TIGD4: variants seen among roughly 807,000 people sequenced by gnomAD.
TIGD4 encodes the protein tigger transposable element derived 4.
Under a neutral mutation model 24.9 loss-of-function variants are expected in TIGD4, and 20 were observed. The observed-to-expected ratio is 0.80, with a 90% CI of 0.56 to 1.17. The LOEUF (loss-of-function observed/expected upper bound fraction) is 1.17, where lower values mean the gene tolerates loss of function less well. Ranked by LOEUF, TIGD4 falls within the 50% of genes most tolerant of loss-of-function variation. The pLI is 0.00. For synonymous variants in TIGD4, 193 were observed against 211.0 expected (o/e 0.91, Z 0.74); for missense variants, 566 against 591.0 (o/e 0.96, Z 0.44).
intron 1 of TIGD4, among the ~76,000 whole-genome samples, chr4:152,776,914 G>A (rs1203073329): frequency 6.6e-6 from 1 of 152,166 alleles, no homozygotes; most frequent in Non-Finnish European, 1.5e-5. Flanking sequence ...TAAATAATGG[G>A]TTCATGACAG....
chr4:152,774,614 T>C (rs578071591), intron 1 of TIGD4, among the ~76,000 whole-genome samples: 63 of 152,354 alleles, frequency 4.1e-4, no homozygotes, highest in African/African-American at 1.5e-3. Flanking sequence ...TCTATGTCAA[T>C]GGTTAAGCTA....
At chr4:152,774,491 T>C (rs1730228973) in intron 1 of TIGD4, among the ~76,000 whole-genome samples, 1 of 152,246 alleles carries the variant, frequency 6.6e-6, no homozygotes, top group Non-Finnish European at 1.5e-5. Flanking sequence ...CAAGGAGTAA[T>C]GGCAGCAGCT....
At chr4:152,773,809 A>T (rs1340554023) in intron 1 of TIGD4, among the ~76,000 whole-genome samples, 1 of 152,090 alleles carries the variant, frequency 6.6e-6, no homozygotes, top group Non-Finnish European at 1.5e-5. Flanking sequence ...TGTATATGGG[A>T]TCTCTTCTTA....
At chr4:152,774,136 G>A (rs1297222237) in intron 1 of TIGD4, among the ~76,000 whole-genome samples, 1 of 148,226 alleles carries the variant, frequency 6.7e-6, no homozygotes, top group African/African-American at 2.5e-5. Context: ...AATCTATCAT[G>A]TCAAACAGCA....
intron 1 of TIGD4, among the ~76,000 whole-genome samples, chr4:152,774,998 A>G (rs1361543722): frequency 6.6e-6 from 1 of 151,316 alleles, no homozygotes; most frequent in Non-Finnish European, 1.5e-5. Flanking sequence ...TAACTGCAAC[A>G]TCTGCCTCCT....
chr4:152,769,997 CT>C lies in TIGD4; in HGVS notation c.1007del (p.Lys336ArgfsTer4). ...TACCTTCAACAGAGCTTAAAAATTT[CT>C]TGATAAGACAGTGTCGATATTTGAT... ...LKIKYRHCLI[K>X]KFLSSVEGSK... On this transcript the variant is annotated frameshift_variant, in exon 2 of 2. Coordinates refer to ENST00000304337, the MANE Select transcript of TIGD4 (RefSeq NM_145720.4). LOFTEE classifies it low-confidence loss of function (END_TRUNC). 1 of 1,608,984 alleles carries C rather than the reference CT, an allele frequency of 6.2e-7. No homozygotes were observed.
intron 1 of TIGD4, among the ~76,000 whole-genome samples, chr4:152,774,330 A>T (rs1730227623): frequency 6.6e-6 from 1 of 152,258 alleles, no homozygotes; most frequent in East Asian, 1.9e-4. Flanking sequence ...ATGATAAGAT[A>T]CATCTTTATT....
chr4:152,773,463 T>C (rs908664223), intron 1 of TIGD4, among the ~76,000 whole-genome samples: 5 of 152,136 alleles, frequency 3.3e-5, no homozygotes, highest in Non-Finnish European at 5.9e-5. Context: ...CTGGATTTCA[T>C]TGGTCCCACA....
chr4:152,778,477 C>A (rs1315990435), intron 1 of TIGD4, among the ~76,000 whole-genome samples: 3 of 152,160 alleles, frequency 2.0e-5, no homozygotes, highest in Non-Finnish European at 4.4e-5. Context: ...GGTCTCCAAA[C>A]CAACAAGATG....
Position 152,769,689 on chromosome 4 carries a change from A to G in TIGD4, c.1316T>C (p.Ile439Thr). 2 of 1,613,782 alleles carry G rather than the reference A, an allele frequency of 1.2e-6. No individual in the cohort carries two copies. The highest frequency in any genetic ancestry group is 2.2e-5 in the East Asian group (1 of 44,888). Reference protein sequence around the residue: ...TCEAAPNGDSICTKESKSDET... With the variant: ...TCEAAPNGDSTCTKESKSDET... ...ATCCGATTTACTTTCTTTGGTGCAT[A>G]TGGAATCACCATTTGGTGCTGCTTC... Residue 439 changes from isoleucine to threonine, a missense_variant, in exon 2 of 2, where the codon ATA (isoleucine) becomes ACA (threonine). Physicochemically the swap from Ile to Thr is moderately conservative, Grantham distance 89. Coordinates refer to ENST00000304337, the MANE Select transcript of TIGD4 (RefSeq NM_145720.4).
chr4:152,769,741 C>A lies in TIGD4; in HGVS notation c.1264G>T (p.Ala422Ser), dbSNP rs1730124906. The A allele has an allele frequency of 2.5e-6, 4 of 1,613,768 alleles. No individual in the cohort carries two copies. Among genetic ancestry groups the A allele is most frequent in the Non-Finnish European group, 3.4e-6 (4 of 1,179,938 alleles). Reference sequence around the variant, plus strand: ...CATGTCTCCAAATCATCATCCAGGGCAGCATATTCTTCTATAGATAAACCT... The same window carrying A: ...CATGTCTCCAAATCATCATCCAGGGAAGCATATTCTTCTATAGATAAACCT... The part of the protein sequence containing the change: ...PEGLSIEEYA[A>S]LDDDLETCEA... Residue 422 changes from alanine (A) to serine (S), a missense_variant, in exon 2 of 2, where the codon GCC (alanine) becomes TCC (serine). Ala to Ser is a moderately conservative substitution (Grantham distance 99, BLOSUM62 1). Transcript: ENST00000304337.
Position 152,770,129 on chromosome 4 carries a change from T to C in TIGD4, c.876A>G (p.Ala292=), listed in dbSNP as rs906307626. 9.3e-6 allele frequency: 15 copies of C among 1,613,980 alleles called. No individual in the cohort carries two copies. The African/African-American group carries it at 1.9e-4, about 20-fold the overall frequency. ...RVVIFVESFP[A]HPEVKNLKSI... is the part of the protein sequence containing the mutation. ...ATTTTAGGTTCTTTACCTCTGGATG[T>C]GCTGGAAAAGACTCAACAAAAATCA... The change falls in exon 2 of 2, where the codon GCA becomes GCG. Residue 292 remains alanine (A), a synonymous_variant. Transcript: ENST00000304337.
rs1332160801 is a variant in TIGD4, at chr4:152,772,201, C to T, written c.-538-659G>A. Among the ~76,000 whole-genome samples the T allele has an allele frequency of 2.6e-5, 4 of 152,094 alleles. No individual in the cohort carries two copies. The East Asian group carries it at 5.8e-4, about 22-fold the overall frequency. ...CTTTTGTATTAATTTGACACATTAGCTGAAGGTACAGAGGCCAGAAATACT... is the reference window on the plus strand; with the variant it reads ...CTTTTGTATTAATTTGACACATTAGTTGAAGGTACAGAGGCCAGAAATACT... On this transcript the variant is annotated intron_variant, in intron 1 of 1. Coordinates refer to ENST00000304337, the MANE Select transcript of TIGD4 (RefSeq NM_145720.4).
At chr4:152,772,948 G>A (rs1421999855) in intron 1 of TIGD4, among the ~76,000 whole-genome samples, 2 of 152,152 alleles carry the variant, frequency 1.3e-5, no homozygotes, top group African/African-American at 4.8e-5. Flanking sequence ...TTGACCTCAT[G>A]ATCTGCCCGC....
chr4:152,779,049 G>A (rs900618045), intron 1 of TIGD4, among the ~76,000 whole-genome samples: 18 of 152,130 alleles, frequency 1.2e-4, no homozygotes, highest in Non-Finnish European at 2.4e-4. Flanking sequence ...CTAGCGCCAC[G>A]GGGGAGCCAC....
In TIGD4 at chr4:152,770,135, A is replaced by G. The variant is rs752420915; in HGVS notation, c.870T>C (p.Phe290=). ...QRRVVIFVES[F]PAHPEVKNLK... The stretch of plus-strand genomic sequence containing the variant: ...GGTTCTTTACCTCTGGATGTGCTGG[A>G]AAAGACTCAACAAAAATCACCACTC... Residue 290 remains phenylalanine, a synonymous_variant, in exon 2 of 2, where the codon TTT becomes TTC. Transcript: ENST00000304337. 6.2e-7 allele frequency: 1 copy of G among 1,614,068 alleles called. No individual in the cohort carries two copies. The highest frequency in any genetic ancestry group is 1.1e-5 in the South Asian group (1 of 91,058).
intron 1 of TIGD4, among the ~76,000 whole-genome samples, chr4:152,777,629 G>A (rs571163017): frequency 1.3e-5 from 2 of 149,888 alleles, no homozygotes; most frequent in Admixed American, 6.7e-5. Context: ...GAGGAAGAAG[G>A]AAGGAAGGAG....
At chr4:152,775,216 A>T (rs918762620) in intron 1 of TIGD4, among the ~76,000 whole-genome samples, 1 of 152,226 alleles carries the variant, frequency 6.6e-6, no homozygotes, top group Non-Finnish European at 1.5e-5. Flanking sequence ...TGCCCGGCCT[A>T]TATCAAGGAT....
chr4:152,777,019 A>G (rs1201501030), intron 1 of TIGD4, among the ~76,000 whole-genome samples: 1 of 152,236 alleles, frequency 6.6e-6, no homozygotes, highest in East Asian at 1.9e-4. Context: ...TAGACAATAA[A>G]GCATGGAAGA....
Sources: gnomAD v4.1 joint callset for allele counts (sites outside exome capture counted in the v4.1 genomes callset) on GRCh38, gnomAD v4.1.1 for gene constraint, MANE v1.5 for transcripts, NCBI Gene and HGNC (gene_info 2026-07-23, HGNC 2026-07-21) for gene names.